Variants in FOXN1 observed in about 807,000 individuals in gnomAD.
The protein encoded by FOXN1 is forkhead box protein N1.
Under a neutral mutation model 49.0 loss-of-function variants are expected in FOXN1, and 15 were observed. The observed-to-expected ratio is 0.31, with a 90% CI of 0.20 to 0.47. FOXN1 has a LOEUF of 0.47. FOXN1 is among the 20% of genes least tolerant of loss of function. FOXN1 has a pLI of 1.00. For synonymous variants in FOXN1, 356 were observed against 369.0 expected, an observed-to-expected ratio of 0.96 and a Z score of 0.40; for missense variants, 800 against 842.8, an observed-to-expected ratio of 0.95 and a Z score of 0.63.
At chr17:28,521,774 C>T (rs149761844) in intron 1 of FOXN1, among the ~76,000 whole-genome samples, 19 of 152,340 alleles carry the variant, frequency 1.2e-4, no homozygotes, top group African/African-American at 4.6e-4. Flanking sequence ...AATTGCCTCC[C>T]CTCATTTTCC....
Position 28,535,028 on chromosome 17 carries a change from G to A in FOXN1, c.1457G>A (p.Gly486Asp). The A allele has an allele frequency of 6.2e-7, 1 of 1,613,536 alleles. No individual in the cohort carries two copies. The highest frequency in any genetic ancestry group is 8.5e-7 in the Non-Finnish European group (1 of 1,179,788). ...DGHLELRAQP[G>D]TPQDSPLPAH... Reference sequence around the variant, plus strand: ...CACCTTGAGCTGCGGGCCCAGCCAGGCACCCCCCAGGACTCGCCTCTGCCT... The same window carrying A: ...CACCTTGAGCTGCGGGCCCAGCCAGACACCCCCCAGGACTCGCCTCTGCCT... The change falls in exon 8 of 9, where the codon GGC becomes GAC. Residue 486 changes from glycine (G) to aspartate (D), a missense_variant. Gly to Asp is a moderately conservative substitution (Grantham distance 94). Transcript: ENST00000579795.
In FOXN1 at chr17:28,534,978, G is replaced by A. The variant is rs1470658684; in HGVS notation, c.1407G>A (p.Gln469=). 1.2e-6 allele frequency: 2 copies of A among 1,614,026 alleles called. No individual in the cohort carries two copies. The highest frequency in any genetic ancestry group is 1.7e-5 in the Admixed American group (1 of 60,022). The change falls in exon 8 of 9, where the codon CAG becomes CAA. Residue 469 remains glutamine (Q), a synonymous_variant. Coordinates refer to ENST00000579795, the MANE Select transcript of FOXN1 (RefSeq NM_001369369.1). The surrounding 1 kb of genome is among the most constrained non-coding windows in gnomAD (Gnocchi z 4.1). Reference sequence around the variant, plus strand: ...GCCTGGCCCCTCCTGGACCCCCGCAGCCATTGTTCCCACAGCCGGACGGGC... The same window carrying A: ...GCCTGGCCCCTCCTGGACCCCCGCAACCATTGTTCCCACAGCCGGACGGGC... ...SPGLAPPGPP[Q]PLFPQPDGHL...
intron 1 of FOXN1, among the ~76,000 whole-genome samples, chr17:28,523,458 C>G (rs1377956774): frequency 1.3e-5 from 2 of 152,168 alleles, no homozygotes; most frequent in Non-Finnish European, 2.9e-5. Flanking sequence ...GGGGGTTGCT[C>G]CCACCCCAAG....
At position 28,534,595 on chromosome 17, in the gene FOXN1, A is replaced by AT; in HGVS notation, c.1135+57_1135+58insT. On this transcript the variant is annotated intron_variant, in intron 7 of 8. Coordinates refer to ENST00000579795, the MANE Select transcript of FOXN1 (RefSeq NM_001369369.1). The surrounding 1 kb of genome is among the most constrained non-coding windows in gnomAD (Gnocchi z 4.1). ...CCAGGGTACTCATGAGCCAAAAAAA[A>AT]AAAAAAGAGAGAATCAGAGAATGAG... The AT allele has an allele frequency of 6.3e-7, 1 of 1,593,916 alleles. No individual in the cohort carries two copies. The highest frequency in any genetic ancestry group is 2.2e-5 in the East Asian group (1 of 44,604).
chr17:28,532,924 C>T (rs1050418345), intron 6 of FOXN1, among the ~76,000 whole-genome samples: 3 of 152,234 alleles, frequency 2.0e-5, no homozygotes, highest in African/African-American at 7.2e-5. Flanking sequence ...GTGGCCTTAA[C>T]TCCTAGTGGA....
chr17:28,534,654 A>C lies in FOXN1; in HGVS notation c.1136-53A>C. ...CCGAGTAAGGGTTCCAGTCTGGGGA[A>C]GACTGTGGAGGAGGGAGGTCTCATG... is the stretch of plus-strand genomic sequence containing the variant. On this transcript the variant is annotated intron_variant, in intron 7 of 8. Coordinates refer to ENST00000579795, the MANE Select transcript of FOXN1 (RefSeq NM_001369369.1). This position sits in a 1 kb window ranked among gnomAD's most constrained non-coding sequence, Gnocchi z 4.1. 1 of 1,611,912 alleles carries C rather than the reference A, an allele frequency of 6.2e-7. No homozygotes were observed. The highest frequency in any genetic ancestry group is 8.5e-7 in the Non-Finnish European group (1 of 1,179,406).
intron 1 of FOXN1, among the ~76,000 whole-genome samples, chr17:28,512,760 C>T (rs1555607199): frequency 6.6e-6 from 1 of 152,134 alleles, no homozygotes; most frequent in Admixed American, 6.5e-5. Flanking sequence ...GGGGTAGGCT[C>T]CCAGCCTCAG....
At position 28,534,573 on chromosome 17, in the gene FOXN1, G is replaced by A; in HGVS notation, c.1135+35G>A. On this transcript the variant is annotated intron_variant, in intron 7 of 8. Coordinates refer to ENST00000579795, the MANE Select transcript of FOXN1 (RefSeq NM_001369369.1). The surrounding 1 kb of genome is among the most constrained non-coding windows in gnomAD (Gnocchi z 4.1). ...GCCGGGCCACGCAAGGAAGGGCCCA[G>A]GGTACTCATGAGCCAAAAAAAAAAA... is the stretch of plus-strand genomic sequence containing the variant. 1 of 1,603,502 alleles carries A rather than the reference G, an allele frequency of 6.2e-7. No individual in the cohort carries two copies. The highest frequency in any genetic ancestry group is 8.5e-7 in the Non-Finnish European group (1 of 1,176,844).
At chr17:28,513,319 A>G (rs566802853) in intron 1 of FOXN1, among the ~76,000 whole-genome samples, 27 of 152,334 alleles carry the variant, frequency 1.8e-4, no homozygotes, top group Admixed American at 3.3e-4. Context: ...TAGGTCAAGG[A>G]CATCCATCCA....
At chr17:28,509,300 G>T (rs139944238) in intron 1 of FOXN1, among the ~76,000 whole-genome samples, 2 of 104,348 alleles carry the variant, frequency 1.9e-5, no homozygotes, top group Admixed American at 1.0e-4. Flanking sequence ...CTTCAATCCC[G>T]CCCAGCCCCC....
Position 28,537,544 on chromosome 17 carries a change from C to T in FOXN1, c.*108C>T, listed in dbSNP as rs2070102750. On this transcript the variant is annotated 3_prime_UTR_variant, in exon 9 of 9. Transcript: ENST00000579795. ...TCAAGGAAGGAAAATACTACCTGTC[C>T]CCTATGCCACTAAGCCAACGTGTGT... 1 of 846,098 alleles carries T rather than the reference C, an allele frequency of 1.2e-6. No homozygotes were observed. The highest frequency in any genetic ancestry group is 1.7e-5 in the African/African-American group (1 of 59,894). 52.4% of individuals were successfully genotyped at this position (846,098 alleles called of 1,614,324 possible). A position where few individuals can be genotyped will look rare whatever the true frequency, so the allele number is the denominator to read the frequency against.
chr17:28,512,709 C>T (rs1401660199), intron 1 of FOXN1, among the ~76,000 whole-genome samples: 4 of 152,116 alleles, frequency 2.6e-5, no homozygotes, highest in South Asian at 2.1e-4. Context: ...CTAACCTTGG[C>T]GGGGCAAGCT....
At position 28,532,928 on chromosome 17, in the gene FOXN1, T is replaced by C. The variant is rs372997738; in HGVS notation, c.928-1403T>C. ...CATGGGGCAACGTGGCCTTAACTCC[T>C]AGTGGAGACTGTGGTGGGAGTCGAA... is the stretch of plus-strand genomic sequence containing the variant. On this transcript the variant is annotated intron_variant, in intron 6 of 8. Transcript: ENST00000579795. Among the ~76,000 whole-genome samples, 25 of 152,308 alleles carry C rather than the reference T, an allele frequency of 1.6e-4. No individual in the cohort carries two copies. The South Asian group carries it at 2.5e-3, about 15-fold the overall frequency.
At chr17:28,536,399 G>T (rs951330799) in intron 8 of FOXN1, among the ~76,000 whole-genome samples, 2 of 152,200 alleles carry the variant, frequency 1.3e-5, no homozygotes, top group Non-Finnish European at 2.9e-5. Context: ...GGATAGGAAG[G>T]ATTATTAAAC....
intron 1 of FOXN1, among the ~76,000 whole-genome samples, chr17:28,523,685 C>T (rs959177413): frequency 1.3e-5 from 2 of 152,184 alleles, no homozygotes; most frequent in Non-Finnish European, 2.9e-5. Flanking sequence ...ATCAGCCAAG[C>T]CCCTCCTGAG....
At chr17:28,525,023 G>A in intron 3 of FOXN1, 56 bp downstream of exon 3, 2 of 1,375,632 alleles carry the variant, frequency 1.5e-6, no homozygotes, top group Non-Finnish European at 2.0e-6. Flanking sequence ...GTTCCTAGCA[G>A]CCTAGAAAGA....
In FOXN1 at chr17:28,516,691, C is replaced by T. The variant is rs4794833; in HGVS notation, c.-14-7265C>T. Among the ~76,000 whole-genome samples the T allele has an allele frequency of 9.1e-3, 1,304 of 143,386 alleles. 54 individuals carry two copies. Among genetic ancestry groups the T allele is most frequent in the Admixed American group, 0.058 (840 of 14,418 alleles). The allele number at this position is 143,386 out of a possible 152,430, so 94.1% of individuals were successfully genotyped here. ...AGGATCCATACCATCACGGGGTACA[C>T]GCCTCCACAGAATACATACCTCCAC... On this transcript the variant is annotated intron_variant, in intron 1 of 8. Transcript: ENST00000579795.
rs373952661 is a variant in FOXN1 at position 28,534,587 on chromosome 17, CAA to C, written c.1135+62_1135+63del. 11,658 of 1,403,552 alleles carry C rather than the reference CAA, an allele frequency of 8.3e-3. No homozygotes were observed. Among genetic ancestry groups the C allele is most frequent in the South Asian group, 0.015 (1,131 of 74,904 alleles). The allele number at this position is 1,403,552 out of a possible 1,614,324, so 86.9% of individuals were successfully genotyped here. On this transcript the variant is annotated intron_variant, in intron 7 of 8. Coordinates refer to ENST00000579795, the MANE Select transcript of FOXN1 (RefSeq NM_001369369.1). The surrounding 1 kb of genome is among the most constrained non-coding windows in gnomAD (Gnocchi z 4.1). ...GGAAGGGCCCAGGGTACTCATGAGC[CAA>C]AAAAAAAAAAAAGAGAGAATCAGAG...
chr17:28,529,359 G>T, intron 5 of FOXN1, 135 bp downstream of exon 5: 2 of 1,101,228 alleles, frequency 1.8e-6, no homozygotes. Flanking sequence ...TCCAGAAGAT[G>T]CTGGAGAGAG....
Sources: allele counts gnomAD v4.1 joint callset (sites outside exome capture counted in the v4.1 genomes callset), GRCh38; gene constraint gnomAD v4.1.1; non-coding constraint Gnocchi (gnomAD v3.1); transcripts MANE v1.5; gene names NCBI Gene and HGNC (gene_info 2026-07-23, HGNC 2026-07-21).